NDC80: variants seen among roughly 807,000 people sequenced by gnomAD.
NDC80 encodes kinetochore protein NDC80 homolog.
A neutral mutation model predicts 89.3 loss-of-function variants in NDC80; 69 were observed. The observed-to-expected ratio is 0.77, with a 90% CI of 0.64 to 0.94. The LOEUF (loss-of-function observed/expected upper bound fraction) is 0.94. Ranked by LOEUF, NDC80 falls within the 40% of genes least tolerant of loss-of-function variation. The probability of loss-of-function intolerance (pLI) is 0.00; values close to 1 mark genes in which losing one functional copy is unlikely to be tolerated. For missense variants in NDC80, 593 were observed against 739.6 expected (o/e 0.80, Z 2.30); for synonymous variants, 243 against 255.6 (o/e 0.95, Z 0.47).
At chr18:2,607,458 G>C (rs948340543) in intron 14 of NDC80, among the ~76,000 whole-genome samples, 2 of 151,984 alleles carry the variant, frequency 1.3e-5, no homozygotes, top group East Asian at 3.9e-4. Context: ...AAAATTTCCT[G>C]TTGTTCAGAC....
chr18:2,616,010 T>C (rs1197758879), intron 16 of NDC80, among the ~76,000 whole-genome samples: 2 of 152,136 alleles, frequency 1.3e-5, no homozygotes, highest in African/African-American at 4.8e-5. Flanking sequence ...GCCTATGTGG[T>C]GAATACAAAT....
Position 2,605,274 on chromosome 18 carries a change from ATGTGTGTGTGTGTGTGTGTGTGTGTGTG to A in NDC80, c.1465-1113_1465-1086del, listed in dbSNP as rs60324126. On this transcript the variant is annotated intron_variant, in intron 13 of 16. Coordinates refer to ENST00000261597, the MANE Select transcript of NDC80 (RefSeq NM_006101.3). ...AATTGGAGTCGGGCGGGCTATATGT[ATGTGTGTGTGTGTGTGTGTGTGTGTGTG>A]TGTGTGTGTGTGTGTGTGTGTGTGT... Among the ~76,000 whole-genome samples the A allele has an allele frequency of 1.2e-4, 15 of 127,294 alleles. No individual in the cohort carries two copies. In the East Asian group the frequency reaches 1.4e-3, roughly 12 times the overall value. 83.5% of individuals were successfully genotyped at this position (127,294 alleles called of 152,430 possible). A position where few individuals can be genotyped will look rare whatever the true frequency, so the allele number is the denominator to read the frequency against.
chr18:2,603,656 AGAGATGGTGG>A, intron 13 of NDC80, among the ~76,000 whole-genome samples: 2 of 152,096 alleles, frequency 1.3e-5, no homozygotes, highest in Non-Finnish European at 2.9e-5. Context: ...AATAGTTTAT[AGAGATGGTGG>A]AAATTTATTT....
At chr18:2,580,929 A>G (rs1488436797) in intron 6 of NDC80, among the ~76,000 whole-genome samples, 3 of 151,390 alleles carry the variant, frequency 2.0e-5, no homozygotes, top group African/African-American at 7.3e-5. Context: ...TTTAGTAGAG[A>G]TGGGGTTTCA....
At chr18:2,574,066 A>G (rs1232599133) in intron 2 of NDC80, among the ~76,000 whole-genome samples, 3 of 152,206 alleles carry the variant, frequency 2.0e-5, no homozygotes, top group African/African-American at 2.4e-5. Flanking sequence ...ATTTTGTCTT[A>G]ACTGGACTTC....
chr18:2,590,274 G>A, intron 10 of NDC80, 112 bp downstream of exon 10: 2 of 1,116,638 alleles, frequency 1.8e-6, no homozygotes, highest in Non-Finnish European at 2.4e-6. Context: ...CATGCTTAGA[G>A]CAGGCTACCA....
At chr18:2,609,211 A>G (rs2072730130) in intron 15 of NDC80, among the ~76,000 whole-genome samples, 1 of 152,178 alleles carries the variant, frequency 6.6e-6, no homozygotes, top group African/African-American at 2.4e-5. Flanking sequence ...TTTCCTAGAA[A>G]TTATGTATAT....
chr18:2,572,371 G>A (rs2072520134), intron 1 of NDC80, among the ~76,000 whole-genome samples: 1 of 152,160 alleles, frequency 6.6e-6, no homozygotes, highest in African/African-American at 2.4e-5. Context: ...CTGTTAATGT[G>A]GTTTGTAAAT....
intron 3 of NDC80, among the ~76,000 whole-genome samples, chr18:2,575,999 T>TAG (rs202168414): frequency 0.073 from 11,083 of 152,244 alleles, 516 homozygotes; most frequent in South Asian, 0.15. Context: ...CTCAAGAGGC[T>TAG]TAGGCAGGAG....
At chr18:2,580,991 C>T (rs2072575171) in intron 6 of NDC80, among the ~76,000 whole-genome samples, 1 of 151,948 alleles carries the variant, frequency 6.6e-6, no homozygotes, top group Admixed American at 6.6e-5. Context: ...CCGCCCACCT[C>T]AGCCTCCCAA....
At chr18:2,603,934 A>G (rs1453206716) in intron 13 of NDC80, among the ~76,000 whole-genome samples, 1 of 152,250 alleles carries the variant, frequency 6.6e-6, no homozygotes, top group African/African-American at 2.4e-5. Flanking sequence ...TAATTCATTT[A>G]TAAGGCTAAT....
Position 2,577,877 on chromosome 18 carries a change from A to C in NDC80, c.303+8A>C. 6 of 1,613,356 alleles carry C rather than the reference A, an allele frequency of 3.7e-6. No homozygotes were observed. The highest frequency in any genetic ancestry group is 5.1e-6 in the Non-Finnish European group (6 of 1,179,646). On this transcript the variant is annotated splice_region_variant and intron_variant, in intron 4 of 16. Coordinates refer to ENST00000261597, the MANE Select transcript of NDC80 (RefSeq NM_006101.3). ...ATTCGACAACTCTGTGAGGTACTTT[A>C]GGATTTTAATCTAAACTGTGATTGT...
intron 13 of NDC80, among the ~76,000 whole-genome samples, chr18:2,605,577 C>T (rs952925674): frequency 6.6e-6 from 1 of 151,910 alleles, no homozygotes; most frequent in Non-Finnish European, 1.5e-5. Context: ...AGAAAAAGTT[C>T]TTGGTGTTAG....
Position 2,575,021 on chromosome 18 carries a change from T to A in NDC80, c.134T>A (p.Ile45Lys), listed in dbSNP as rs1440782251. Residue 45 changes from isoleucine (I) to lysine (K), a missense_variant, in exon 3 of 17, where the codon ATA becomes AAA. Ile to Lys is a moderately radical substitution (Grantham distance 102). Coordinates refer to ENST00000261597, the MANE Select transcript of NDC80 (RefSeq NM_006101.3). ...KEKPTFGKLSINKPTSERKVS... is the reference protein window; with the variant it reads ...KEKPTFGKLSKNKPTSERKVS... ...AAACCAACCTTTGGAAAGTTGAGTATAAACAAACCGACATCTGAAAGAAAA... is the reference window on the plus strand; with the variant it reads ...AAACCAACCTTTGGAAAGTTGAGTAAAAACAAACCGACATCTGAAAGAAAA... The A allele has an allele frequency of 1.9e-6, 3 of 1,612,010 alleles. No individual in the cohort carries two copies. The highest frequency in any genetic ancestry group is 2.5e-6 in the Non-Finnish European group (3 of 1,178,920).
chr18:2,571,828 T>G (rs1034615917), intron 1 of NDC80, 145 bp downstream of exon 1: 2 of 152,390 alleles, frequency 1.3e-5, no homozygotes, highest in African/African-American at 4.8e-5. Context: ...AGGCCAAAAC[T>G]GTGCGAGGCG....
intron 10 of NDC80, among the ~76,000 whole-genome samples, chr18:2,591,581 CA>C (rs1302705962): frequency 6.6e-6 from 1 of 150,816 alleles, no homozygotes; most frequent in Non-Finnish European, 1.5e-5. Context: ...TTTTTTTTTC[CA>C]AATAACTCTG....
Position 2,592,176 on chromosome 18 carries a change from G to A in NDC80, c.1015+2014G>A, listed in dbSNP as rs1406486468. Among the ~76,000 whole-genome samples the A allele has an allele frequency of 1.3e-5, 2 of 152,162 alleles. 1 individual carries two copies. Among genetic ancestry groups the A allele is most frequent in the Non-Finnish European group, 2.9e-5 (2 of 68,036 alleles). On this transcript the variant is annotated intron_variant, in intron 10 of 16. Coordinates refer to ENST00000261597, the MANE Select transcript of NDC80 (RefSeq NM_006101.3). ...TCTGATAGCTGCAAACTCAGTAGGT[G>A]AGAGAGAAATACTTAATCATTTGCC... is the stretch of plus-strand genomic sequence containing the variant.
chr18:2,603,361 A>ATATATATATG (rs1568009140), intron 13 of NDC80, among the ~76,000 whole-genome samples: 1 of 124,590 alleles, frequency 8.0e-6, no homozygotes, highest in East Asian at 2.0e-4. Flanking sequence ...TTATACATAT[A>ATATATATATG]TATATATATA....
chr18:2,581,972 G>C (rs981436308), intron 6 of NDC80: 1 of 152,024 alleles, frequency 6.6e-6, no homozygotes, highest in African/African-American at 2.4e-5. Flanking sequence ...CTTGTCATAT[G>C]GGAAAGTGTT....
Sources: gnomAD v4.1 joint callset for allele counts (sites outside exome capture counted in the v4.1 genomes callset) on GRCh38, gnomAD v4.1.1 for gene constraint, MANE v1.5 for transcripts, NCBI Gene and HGNC (gene_info 2026-07-23, HGNC 2026-07-21) for gene names.